Variants in CYFIP1 observed in about 807,000 individuals in gnomAD.
CYFIP1 encodes cytoplasmic FMR1 interacting protein 1, also known as cytoplasmic FMR1-interacting protein 1.
In CYFIP1, 58 loss-of-function variants were observed where a neutral mutation model predicts 163.5. The observed-to-expected ratio is 0.35, with a 90% CI of 0.29 to 0.44. The LOEUF (loss-of-function observed/expected upper bound fraction) is 0.44. Ranked by LOEUF, CYFIP1 falls within the 20% of genes least tolerant of loss-of-function variation. The pLI is 1.00. For synonymous variants in CYFIP1, 663 were observed against 660.7 expected (o/e 1.00, Z -0.05); for missense variants, 1,338 against 1,653.8 (o/e 0.81, Z 3.31).
chr15:22,961,078 G>A (rs1336954846), intron 1 of CYFIP1, among the ~76,000 whole-genome samples: 1 of 151,458 alleles, frequency 6.6e-6, no homozygotes, highest in Non-Finnish European at 1.5e-5. Flanking sequence ...TGGAGTGCAA[G>A]TGGCATGATC....
chr15:22,909,113 G>C (rs538613954), intron 21 of CYFIP1, 81 bp downstream of exon 21: 5 of 1,568,512 alleles, frequency 3.2e-6, no homozygotes, highest in Non-Finnish European at 4.4e-6. Context: ...CGCCCGATGA[G>C]TGCATCTCTT....
intron 6 of CYFIP1, among the ~76,000 whole-genome samples, chr15:22,940,054 A>C (rs999237357): frequency 6.6e-6 from 1 of 152,186 alleles, no homozygotes; most frequent in Non-Finnish European, 1.5e-5. Flanking sequence ...CGTGAGGCCC[A>C]ACAATACAAT....
chr15:22,964,979 T>G (rs1937685579), intron 1 of CYFIP1, among the ~76,000 whole-genome samples: 1 of 152,174 alleles, frequency 6.6e-6, no homozygotes, highest in South Asian at 2.1e-4. Flanking sequence ...TCTTCCAGGT[T>G]TATCCTTGTC....
Position 22,947,292 on chromosome 15 carries a change from C to T in CYFIP1, c.-6-1G>A. The T allele has an allele frequency of 2.5e-6, 4 of 1,613,362 alleles. No homozygotes were observed. Among genetic ancestry groups the T allele is most frequent in the Non-Finnish European group, 3.4e-6 (4 of 1,179,676 alleles). On this transcript the variant is annotated splice_acceptor_variant, in intron 1 of 30. Transcript: ENST00000617928. LOFTEE classifies it low-confidence loss of function (5UTR_SPLICE). ...GAGTCACCTGGGCCGCCATCCTGGG[C>T]TGGAACAACACATAAGGACCCCTGT...
At chr15:22,927,165 T>C (rs6606807) in intron 12 of CYFIP1, among the ~76,000 whole-genome samples, 79,035 of 151,566 alleles carry the variant, frequency 0.52, 22,191 homozygotes, top group African/African-American at 0.73. Flanking sequence ...GGCGAGACTG[T>C]CTGTACAAAA....
intron 12 of CYFIP1, 88 bp downstream of exon 12, chr15:22,927,818 A>G: frequency 7.3e-7 from 1 of 1,368,038 alleles, no homozygotes; most frequent in Non-Finnish European, 9.8e-7. Flanking sequence ...CTAGGGCCAA[A>G]GATAAAAAGC....
chr15:22,916,952 CTCCATGCCCAGAGACTT>C, intron 15 of CYFIP1: 1 of 1,551,744 alleles, frequency 6.4e-7, no homozygotes, highest in Non-Finnish European at 8.7e-7. Flanking sequence ...GCAAGAGCCT[CTCCATGCCCAGAGACTT>C]GAGCTGCCTG....
In CYFIP1 at chr15:22,910,727, A is replaced by G. The variant is rs373282370; in HGVS notation, c.2159+10T>C. 8.7e-5 allele frequency: 141 copies of G among 1,611,918 alleles called. No individual in the cohort carries two copies. Among genetic ancestry groups the G allele is most frequent in the Non-Finnish European group, 1.2e-4 (136 of 1,178,072 alleles). ...ACGTTTTGTATCAAAATCACACACC[A>G]GATACTCACCTTCCTGCCATAACCT... On this transcript the variant is annotated intron_variant, in intron 19 of 30. Coordinates refer to ENST00000617928, the MANE Select transcript of CYFIP1 (RefSeq NM_014608.6).
intron 26 of CYFIP1, among the ~76,000 whole-genome samples, chr15:22,875,997 A>G (rs2059576393): frequency 6.6e-6 from 1 of 150,888 alleles, no homozygotes; most frequent in Non-Finnish European, 1.5e-5. Flanking sequence ...GTTCATCTTT[A>G]GAGGTGAGGG....
At chr15:22,883,541 G>A (rs1267514742) in intron 23 of CYFIP1, among the ~76,000 whole-genome samples, 1 of 152,184 alleles carries the variant, frequency 6.6e-6, no homozygotes, top group Non-Finnish European at 1.5e-5. Flanking sequence ...GTTTAGGCCA[G>A]GCGCGGCGAC....
At chr15:22,980,051 A>G (rs1313919720) in intron 1 of CYFIP1, among the ~76,000 whole-genome samples, 2 of 150,076 alleles carry the variant, frequency 1.3e-5, no homozygotes, top group Non-Finnish European at 3.0e-5. Flanking sequence ...AAGCCAGTGC[A>G]GGGAGTGCGG....
At chr15:22,911,926 C>T (rs1379530547) in intron 18 of CYFIP1, among the ~76,000 whole-genome samples, 1 of 152,136 alleles carries the variant, frequency 6.6e-6, no homozygotes, top group Non-Finnish European at 1.5e-5. Context: ...TTCAGTTGAA[C>T]ATCAAAGATC....
At chr15:22,938,923 TAAAAAAAAAA>T (rs56169420) in intron 8 of CYFIP1, among the ~76,000 whole-genome samples, 17 of 74,392 alleles carry the variant, frequency 2.3e-4, no homozygotes, top group African/African-American at 8.4e-4. Context: ...AAAAGCAGCT[TAAAAAAAAAA>T]AAAAAAAAAA....
intron 3 of CYFIP1, 96 bp downstream of exon 3, chr15:22,946,907 C>T: frequency 9.8e-7 from 1 of 1,025,364 alleles, no homozygotes; most frequent in Non-Finnish European, 1.5e-6. Flanking sequence ...TTTTTCCTCA[C>T]TGCATAGTCT....
intron 13 of CYFIP1, among the ~76,000 whole-genome samples, chr15:22,923,837 G>A (rs1421780722): frequency 6.6e-6 from 1 of 150,918 alleles, no homozygotes; most frequent in South Asian, 2.1e-4. Flanking sequence ...TAGCTACTTG[G>A]GAGGCTGGGG....
intron 1 of CYFIP1, among the ~76,000 whole-genome samples, chr15:22,954,051 T>C (rs1254397146): frequency 2.0e-5 from 3 of 148,610 alleles, no homozygotes; most frequent in African/African-American, 4.9e-5. Context: ...GCGAAGACTG[T>C]CTCAAAAAAA....
At chr15:22,873,456 T>G in intron 29 of CYFIP1, 35 bp downstream of exon 29, 1 of 1,569,920 alleles carries the variant, frequency 6.4e-7, no homozygotes, top group East Asian at 2.2e-5. Context: ...CCTCCCCTCC[T>G]CTGGGGCTTT....
Position 22,933,668 on chromosome 15 carries a change from G to A in CYFIP1, c.992+134C>T. ...TAAATAGCCGCATGTGGCAAAGGCT[G>A]CAATACTGGACATTTAATTCCAGGC... On this transcript the variant is annotated intron_variant, in intron 10 of 30. Transcript: ENST00000617928. 2 of 662,766 alleles carry A rather than the reference G, an allele frequency of 3.0e-6. 1 individual carries two copies. Among genetic ancestry groups the A allele is most frequent in the Non-Finnish European group, 5.2e-6 (2 of 382,652 alleles). 41.1% of individuals were successfully genotyped at this position (662,766 alleles called of 1,614,324 possible).
rs867723416 is a variant in CYFIP1 at position 22,918,795 on chromosome 15, C to T, written c.1423G>A (p.Ala475Thr). The change falls in exon 14 of 31, where the codon GCC becomes ACC. Residue 475 changes from alanine (A) to threonine (T), a missense_variant. By Grantham distance (58) the Ala-to-Thr change is moderately conservative. This residue lies in a region of CYFIP1 where 824 missense variants were observed against 995.7 expected (regional missense o/e 0.83). Transcript: ENST00000617928. ...MGRMESVFNHAIRHTVYAALQ... is the reference protein window; with the variant it reads ...MGRMESVFNHTIRHTVYAALQ... ...GCGGCATAGACGGTGTGCCGGATGG[C>T]GTGGTTGAACACGCTCTCCATCCTG... 4 of 1,613,296 alleles carry T rather than the reference C, an allele frequency of 2.5e-6. No individual in the cohort carries two copies. In the African/African-American group the frequency reaches 4.0e-5, roughly 16 times the overall value.
Sources: gnomAD v4.1 joint callset for allele counts (sites outside exome capture counted in the v4.1 genomes callset) on GRCh38, gnomAD v4.1.1 for gene constraint, gnomAD v4.1.1 regional missense constraint, MANE v1.5 for transcripts, NCBI Gene and HGNC (gene_info 2026-07-23, HGNC 2026-07-21) for gene names.